The following COLEC12 variants were observed in gnomAD, a reference collection of about 807,000 sequenced individuals.
COLEC12 encodes the protein collectin subfamily member 12, also known as collectin-12.
Under a neutral mutation model 71.1 loss-of-function variants are expected in COLEC12, and 33 were observed. The ratio of observed to expected loss-of-function variants is 0.46; its 90% confidence interval spans 0.35 to 0.62. The LOEUF is 0.62. Among genes scored for constraint, COLEC12 ranks in the 20% least tolerant of loss-of-function variants. The pLI is 0.00. For missense variants in COLEC12, 765 were observed against 916.1 expected, an observed-to-expected ratio of 0.84 and a Z score of 2.13; for synonymous variants, 350 against 353.0, an observed-to-expected ratio of 0.99 and a Z score of 0.10.
intron 2 of COLEC12, among the ~76,000 whole-genome samples, chr18:368,800 A>G (rs946530348): frequency 5.3e-5 from 8 of 152,340 alleles, no homozygotes; most frequent in African/African-American, 1.7e-4. Context: ...CGGGAGGCGG[A>G]GCTTGCAGTG....
intron 2 of COLEC12, among the ~76,000 whole-genome samples, chr18:409,645 A>G (rs2143633018): frequency 6.6e-6 from 1 of 152,362 alleles, no homozygotes; most frequent in South Asian, 2.1e-4. Context: ...TCAGTCTCTT[A>G]TATCATGAAC....
chr18:340,722 A>G (rs1914232330), intron 5 of COLEC12, among the ~76,000 whole-genome samples: 1 of 152,256 alleles, frequency 6.6e-6, no homozygotes, highest in Non-Finnish European at 1.5e-5. Context: ...ACAGTGATAC[A>G]ATCTGATACG....
chr18:390,972 G>A (rs1915451471), intron 2 of COLEC12, among the ~76,000 whole-genome samples: 1 of 152,180 alleles, frequency 6.6e-6, no homozygotes, highest in South Asian at 2.1e-4. Flanking sequence ...GAAGTAACCA[G>A]GCAGCAGCTG....
chr18:362,173 G>A lies in COLEC12; in HGVS notation c.59-4651C>T, dbSNP rs514614. Among the ~76,000 whole-genome samples, 75,258 of 151,904 alleles carry A rather than the reference G, an allele frequency of 0.5. 19,085 individuals are homozygous for A. Among genetic ancestry groups the A allele is most frequent in the South Asian group, 0.55 (2,633 of 4,802 alleles). On this transcript the variant is annotated intron_variant, in intron 2 of 9. Transcript: ENST00000400256. This position sits in a 1 kb window ranked among gnomAD's most constrained non-coding sequence, Gnocchi z 4.6. ...GTGGTATTCGTGCAGATCCAAGCCC[G>A]GACAGCTGTCACTGGTTCACATTCC...
intron 2 of COLEC12, among the ~76,000 whole-genome samples, chr18:406,403 G>C (rs1334858421): frequency 6.6e-6 from 1 of 151,282 alleles, no homozygotes; most frequent in Admixed American, 6.6e-5. Context: ...CAGCTACTCG[G>C]GAGGCTGAGG....
chr18:425,696 T>C (rs985804902), intron 2 of COLEC12, among the ~76,000 whole-genome samples: 2 of 152,314 alleles, frequency 1.3e-5, no homozygotes, highest in African/African-American at 2.4e-5. Context: ...TCTGGAGCCA[T>C]GAGGGCATGT....
chr18:331,878 AG>A, intron 7 of COLEC12, 101 bp from the exon 8 acceptor site: 1 of 723,518 alleles, frequency 1.4e-6, no homozygotes, highest in Non-Finnish European at 2.4e-6. Context: ...AATTTAAAAG[AG>A]GATGGTTGTC....
intron 2 of COLEC12, among the ~76,000 whole-genome samples, chr18:453,874 C>A (rs1282820328): frequency 6.6e-6 from 1 of 152,234 alleles, no homozygotes; most frequent in East Asian, 1.9e-4. Flanking sequence ...CTCACTCTTT[C>A]CCTGATAGCC....
At chr18:329,144 C>T (rs971092565) in intron 8 of COLEC12, among the ~76,000 whole-genome samples, 13 of 152,064 alleles carry the variant, frequency 8.5e-5, no homozygotes, top group Admixed American at 5.9e-4. Context: ...CAAGCGGGTG[C>T]GCTCCATCCA....
intron 2 of COLEC12, among the ~76,000 whole-genome samples, chr18:422,595 C>T (rs1027817546): frequency 2.6e-5 from 4 of 151,854 alleles, no homozygotes; most frequent in Admixed American, 2.0e-4. Context: ...CAATTTTACC[C>T]CCCAGAGGTA....
intron 1 of COLEC12, among the ~76,000 whole-genome samples, chr18:492,029 T>A (rs1917628674): frequency 6.6e-6 from 1 of 152,198 alleles, no homozygotes. Flanking sequence ...TGTAGGGGGG[T>A]AATTAGATCG....
chr18:336,828 ATCTC>A (rs765039672), intron 5 of COLEC12, among the ~76,000 whole-genome samples: 9 of 151,978 alleles, frequency 5.9e-5, no homozygotes, highest in East Asian at 5.8e-4. Context: ...GCCACACTTA[ATCTC>A]TCTCTCTCTT....
chr18:454,484 C>T (rs983208797), intron 2 of COLEC12, among the ~76,000 whole-genome samples: 14 of 152,294 alleles, frequency 9.2e-5, no homozygotes, highest in African/African-American at 3.1e-4. Flanking sequence ...GAGTTCAAGA[C>T]CAGCCTGGCC....
intron 2 of COLEC12, among the ~76,000 whole-genome samples, chr18:430,063 T>C (rs1916272230): frequency 6.6e-6 from 1 of 152,076 alleles, no homozygotes; most frequent in South Asian, 2.1e-4. Flanking sequence ...AATAAATAAA[T>C]CCGGCTGGGC....
Position 318,883 on chromosome 18 carries a change from A to G in COLEC12, c.*1162T>C, listed in dbSNP as rs1913617850. On this transcript the variant is annotated 3_prime_UTR_variant, in exon 10 of 10. Coordinates refer to ENST00000400256, the MANE Select transcript of COLEC12 (RefSeq NM_130386.3). ...TGCCTTGGAGTTATGTTTTTGGAAT[A>G]TGACTTAAGAAAACAAACTTTCCAG... is the stretch of plus-strand genomic sequence containing the variant. 6.6e-6 allele frequency: 1 copy of G among 152,180 alleles called. No homozygotes were observed. The highest frequency in any genetic ancestry group is 2.4e-5 in the African/African-American group (1 of 41,434). The allele number at this position is 152,180 out of a possible 1,614,324, so 9.4% of individuals were successfully genotyped here. A position where few individuals can be genotyped will look rare whatever the true frequency, so the allele number is the denominator to read the frequency against.
intron 5 of COLEC12, among the ~76,000 whole-genome samples, chr18:345,099 GCTTACAGC>G (rs1411198589): frequency 3.3e-5 from 5 of 152,180 alleles, no homozygotes; most frequent in South Asian, 2.1e-4. Context: ...TTGAATGTTT[GCTTACAGC>G]CCATCTTCTG....
At chr18:445,154 A>ATAC (rs1916621535) in intron 2 of COLEC12, among the ~76,000 whole-genome samples, 1 of 152,198 alleles carries the variant, frequency 6.6e-6, no homozygotes, top group East Asian at 1.9e-4. Flanking sequence ...TTTCATACGG[A>ATAC]GAACTGACTG....
chr18:322,824 C>T (rs1027587013), intron 8 of COLEC12, among the ~76,000 whole-genome samples: 13 of 152,094 alleles, frequency 8.5e-5, no homozygotes, highest in Non-Finnish European at 1.9e-4. Flanking sequence ...CAATAACACC[C>T]GCAAAACCAG....
At chr18:360,445 C>T (rs1914719789) in intron 2 of COLEC12, among the ~76,000 whole-genome samples, 2 of 152,098 alleles carry the variant, frequency 1.3e-5, no homozygotes, top group Admixed American at 6.5e-5. Flanking sequence ...GCCGCCTCAG[C>T]CTCCCAAAGT....
Sources: gnomAD v4.1 joint callset for allele counts (sites outside exome capture counted in the v4.1 genomes callset) on GRCh38, gnomAD v4.1.1 for gene constraint, Gnocchi (gnomAD v3.1) non-coding constraint, MANE v1.5 for transcripts, NCBI Gene and HGNC (gene_info 2026-07-23, HGNC 2026-07-21) for gene names.